Variants in TRAK1 observed in about 807,000 individuals in gnomAD.
TRAK1 encodes trafficking kinesin protein 1.
Under a neutral mutation model 92.1 loss-of-function variants are expected in TRAK1, and 33 were observed. The ratio of observed to expected loss-of-function variants is 0.36; its 90% confidence interval spans 0.27 to 0.48. The LOEUF is 0.48. Among genes scored for constraint, TRAK1 ranks in the 20% least tolerant of loss-of-function variants. The pLI is 0.99. For synonymous variants in TRAK1, 521 were observed against 517.3 expected, an observed-to-expected ratio of 1.01 and a Z score of -0.10; for missense variants, 1,123 against 1,257.9, an observed-to-expected ratio of 0.89 and a Z score of 1.62.
At chr3:42,190,924 C>T (rs537433699) in intron 6 of TRAK1, among the ~76,000 whole-genome samples, 8 of 152,128 alleles carry the variant, frequency 5.3e-5, no homozygotes, top group Non-Finnish European at 1.0e-4. Flanking sequence ...TGAGCCACTG[C>T]GCCTGGTCTC....
Position 42,166,365 on chromosome 3 carries a change from G to T in TRAK1, c.287-10449G>T, listed in dbSNP as rs897979961. Among the ~76,000 whole-genome samples, 3 of 152,152 alleles carry T rather than the reference G, an allele frequency of 2.0e-5. No individual in the cohort carries two copies. In the South Asian group the frequency reaches 6.2e-4, roughly 32 times the overall value. ...GTGAGGGTGCCAGAGTGAACCATGT[G>T]TTTATTGCCTTATTAAATGTCTTGG... On this transcript the variant is annotated intron_variant, in intron 2 of 15. Coordinates refer to ENST00000327628, the MANE Select transcript of TRAK1 (RefSeq NM_001042646.3).
At chr3:42,120,591 G>T (rs757587897) in intron 1 of TRAK1, among the ~76,000 whole-genome samples, 2 of 151,950 alleles carry the variant, frequency 1.3e-5, no homozygotes, top group Non-Finnish European at 2.9e-5. Context: ...TCACCAGGCT[G>T]GAGTGCAGTG....
At chr3:42,155,293 C>T (rs1316388374) in intron 2 of TRAK1, among the ~76,000 whole-genome samples, 9 of 152,046 alleles carry the variant, frequency 5.9e-5, no homozygotes, top group Non-Finnish European at 1.3e-4. Context: ...AAGTGGGTGC[C>T]TTGTCCATAG....
In TRAK1 at chr3:42,193,161, C is replaced by T. The variant is rs768379461; in HGVS notation, c.856C>T (p.His286Tyr). The T allele has an allele frequency of 3.6e-5, 58 of 1,614,104 alleles. No homozygotes were observed. The highest frequency in any genetic ancestry group is 2.5e-4 in the Admixed American group (15 of 60,012). ...TGCCCGCCAGCAAGAGGAGATCACA[C>T]ACCTGCTATCGCAAATAGTTGATTT... ...DAARQQEEIT[H>Y]LLSQIVDLQK... The change falls in exon 8 of 16, where the codon CAC becomes TAC. Residue 286 changes from histidine (H) to tyrosine (Y), a missense_variant. Coordinates refer to ENST00000327628, the MANE Select transcript of TRAK1 (RefSeq NM_001042646.3).
chr3:42,156,919 C>T (rs955740360), intron 2 of TRAK1, among the ~76,000 whole-genome samples: 19 of 152,078 alleles, frequency 1.2e-4, no homozygotes, highest in African/African-American at 3.9e-4. Flanking sequence ...TTTGGGAGGC[C>T]GAGGCGAGTG....
intron 10 of TRAK1, among the ~76,000 whole-genome samples, chr3:42,196,359 AG>A (rs542501147): frequency 2.6e-5 from 4 of 152,126 alleles, no homozygotes; most frequent in Non-Finnish European, 5.9e-5. Context: ...CAATGGCAGG[AG>A]TTCATCTGGG....
chr3:42,055,566 A>C (rs1703170885), intron 1 of TRAK1, among the ~76,000 whole-genome samples: 1 of 152,214 alleles, frequency 6.6e-6, no homozygotes, highest in Non-Finnish European at 1.5e-5. Context: ...GGGCCCAGGC[A>C]ATCCTCCCAT....
chr3:42,101,476 C>T (rs1274347649), intron 1 of TRAK1, among the ~76,000 whole-genome samples: 1 of 152,196 alleles, frequency 6.6e-6, no homozygotes, highest in African/African-American at 2.4e-5. Context: ...TGGTGCCAGT[C>T]ACCTCTGAAT....
chr3:42,124,908 C>T (rs1037665059), intron 1 of TRAK1, among the ~76,000 whole-genome samples: 3 of 152,036 alleles, frequency 2.0e-5, no homozygotes, highest in Non-Finnish European at 4.4e-5. Context: ...TCTCCTTTGC[C>T]CGTGGTACTC....
chr3:42,024,096 C>T (rs1408088490), intron 1 of TRAK1, among the ~76,000 whole-genome samples: 2 of 151,922 alleles, frequency 1.3e-5, no homozygotes, highest in African/African-American at 2.4e-5. Context: ...GGCAGTGGGA[C>T]GTCTGGGCCT....
intron 1 of TRAK1, among the ~76,000 whole-genome samples, chr3:42,092,681 T>TTGTTTTGTTGGGTTG (rs750189192): frequency 5.3e-5 from 7 of 131,322 alleles, no homozygotes; most frequent in African/African-American, 1.9e-4. Context: ...TCCTTTTATT[T>TTGTTTTGTTGGGTTG]TGTTGTGTTG....
chr3:42,056,217 A>G (rs1703198321), intron 1 of TRAK1, among the ~76,000 whole-genome samples: 1 of 152,140 alleles, frequency 6.6e-6, no homozygotes, highest in Admixed American at 6.5e-5. Flanking sequence ...GAATTGCTAG[A>G]TCATGTGGTA....
intron 1 of TRAK1, among the ~76,000 whole-genome samples, chr3:42,042,908 G>T (rs957329197): frequency 6.6e-6 from 1 of 152,010 alleles, no homozygotes; most frequent in African/African-American, 2.4e-5. Context: ...ACCTGTCATG[G>T]TCTGGACGTG....
chr3:42,136,352 T>G (rs977101853), intron 2 of TRAK1, among the ~76,000 whole-genome samples: 1 of 152,164 alleles, frequency 6.6e-6, no homozygotes, highest in Non-Finnish European at 1.5e-5. Context: ...AATAATATTT[T>G]TGTGGCTCAC....
intron 1 of TRAK1, among the ~76,000 whole-genome samples, chr3:42,117,294 G>A (rs1377929731): frequency 6.6e-6 from 1 of 152,126 alleles, no homozygotes; most frequent in African/African-American, 2.4e-5. Flanking sequence ...GGGCAGAACC[G>A]AGGCTGGGCG....
intron 3 of TRAK1, 112 bp downstream of exon 3, chr3:42,177,002 C>A: frequency 6.1e-6 from 6 of 989,158 alleles, no homozygotes; most frequent in South Asian, 4.3e-5. Context: ...GGAAATTGGT[C>A]TCTTTCGAGG....
rs1429735576 is a variant in TRAK1, at chr3:42,128,849, C to T, written c.286+3235C>T. Among the ~76,000 whole-genome samples the T allele has an allele frequency of 1.0e-4, 11 of 109,800 alleles. 1 individual carries two copies. Among genetic ancestry groups the T allele is most frequent in the African/African-American group, 4.1e-4 (11 of 26,950 alleles). The allele number at this position is 109,800 out of a possible 152,430, so 72.0% of individuals were successfully genotyped here. A position where few individuals can be genotyped will look rare whatever the true frequency, so the allele number is the denominator to read the frequency against. On this transcript the variant is annotated intron_variant, in intron 2 of 15. Coordinates refer to ENST00000327628, the MANE Select transcript of TRAK1 (RefSeq NM_001042646.3). ...TATTTCATGTCACAGTTGGGTAGAG[C>T]TGTTTTGTTATAGGTGAAATGGACG...
chr3:42,090,739 G>T (rs1323897985), upstream of TRAK1, among the ~76,000 whole-genome samples: 1 of 152,186 alleles, frequency 6.6e-6, no homozygotes, highest in Non-Finnish European at 1.5e-5. Context: ...GCAGAATGTA[G>T]TGCTGAAACT....
At chr3:42,175,853 A>G (rs1223761257) in intron 2 of TRAK1, among the ~76,000 whole-genome samples, 2 of 152,220 alleles carry the variant, frequency 1.3e-5, no homozygotes, top group Non-Finnish European at 2.9e-5. Flanking sequence ...AGTCTTAGTT[A>G]CAAAACATTA....
Sources: gnomAD v4.1 joint callset for allele counts (sites outside exome capture counted in the v4.1 genomes callset) on GRCh38, gnomAD v4.1.1 for gene constraint, MANE v1.5 for transcripts, NCBI Gene and HGNC (gene_info 2026-07-23, HGNC 2026-07-21) for gene names.